The following TMEM209 variants were observed in gnomAD, a reference collection of about 807,000 sequenced individuals.
TMEM209 encodes the protein transmembrane protein 209, also known as testicular tissue protein Li 202.
Under a neutral mutation model 76.2 loss-of-function variants are expected in TMEM209, and 65 were observed. That is an observed-to-expected ratio of 0.85 (90% CI 0.70 to 1.05). The LOEUF (loss-of-function observed/expected upper bound fraction) is 1.05, where lower values mean the gene tolerates loss of function less well. TMEM209 is among the 50% of genes least tolerant of loss of function. The probability of loss-of-function intolerance (pLI) is 0.00; values close to 1 mark genes in which losing one functional copy is unlikely to be tolerated. For missense variants in TMEM209, 623 were observed against 685.5 expected, an observed-to-expected ratio of 0.91 and a Z score of 1.02; for synonymous variants, 239 against 237.6, an observed-to-expected ratio of 1.01 and a Z score of -0.06.
chr7:130,198,423 C>T (rs767056721), intron 5 of TMEM209, among the ~76,000 whole-genome samples: 9 of 152,008 alleles, frequency 5.9e-5, no homozygotes, highest in African/African-American at 9.7e-5. Flanking sequence ...CCAGCCTGGC[C>T]AACATGGTGA....
intron 6 of TMEM209, among the ~76,000 whole-genome samples, chr7:130,190,099 C>T (rs901996091): frequency 6.6e-6 from 1 of 152,106 alleles, no homozygotes; most frequent in Non-Finnish European, 1.5e-5. Context: ...ACAATCAAAT[C>T]GTCAACATAA....
chr7:130,192,711 G>C lies in TMEM209; in HGVS notation c.686C>G (p.Pro229Arg). The C allele has an allele frequency of 6.2e-7, 1 of 1,613,842 alleles. No individual in the cohort carries two copies. Among genetic ancestry groups the C allele is most frequent in the Non-Finnish European group, 8.5e-7 (1 of 1,179,766 alleles). ...GGTCATGTAGTCTTCTTTGTCAGTA[G>C]GTGAGTTGTAGACGGTAGGTGAAGA... ...YRSSPTVYNS[P>R]TDKEDYMTDL... is the part of the protein sequence containing the mutation. Residue 229 changes from proline (P) to arginine (R), a missense_variant, in exon 6 of 15, where the codon CCT (proline) becomes CGT (arginine). Coordinates refer to ENST00000397622, the MANE Select transcript of TMEM209 (RefSeq NM_032842.4).
At position 130,202,626 on chromosome 7, in the gene TMEM209, T is replaced by G; in HGVS notation, c.237A>C (p.Leu79Phe). The G allele has an allele frequency of 2.5e-6, 4 of 1,613,630 alleles. No individual in the cohort carries two copies. The highest frequency in any genetic ancestry group is 3.4e-6 in the Non-Finnish European group (4 of 1,179,756). The part of the protein sequence containing the change: ...ALASLFSLNA[L>F]FDFWRYFKYT... ...ATTTGAAATATCTCCAAAAATCAAATAAGGCATTAAGGCTGAAGAGAGATG... is the reference window on the plus strand; with the variant it reads ...ATTTGAAATATCTCCAAAAATCAAAGAAGGCATTAAGGCTGAAGAGAGATG... Residue 79 changes from leucine (L) to phenylalanine (F), a missense_variant, in exon 4 of 15, where the codon TTA (leucine) becomes TTC (phenylalanine). Coordinates refer to ENST00000397622, the MANE Select transcript of TMEM209 (RefSeq NM_032842.4).
At position 130,202,057 on chromosome 7, in the gene TMEM209, T is replaced by C; in HGVS notation, c.366A>G (p.Ala122=). The C allele has an allele frequency of 1.9e-6, 3 of 1,613,856 alleles. No homozygotes were observed. Among genetic ancestry groups the C allele is most frequent in the Non-Finnish European group, 2.5e-6 (3 of 1,179,856 alleles). Residue 122 remains alanine (A), a synonymous_variant, in exon 5 of 15, where the codon GCA becomes GCG. Coordinates refer to ENST00000397622, the MANE Select transcript of TMEM209 (RefSeq NM_032842.4). Reference sequence around the variant, plus strand: ...AAGGTGGAGCGGGAGGGATTTGGGTTGCTGCCAGATCATGTGGAGGCGTAG... The same window carrying C: ...AAGGTGGAGCGGGAGGGATTTGGGTCGCTGCCAGATCATGTGGAGGCGTAG... The part of the protein sequence containing the change: ...VQTTPPHDLA[A]TQIPPAPPSP...
chr7:130,167,277 T>C (rs918181775), intron 14 of TMEM209, among the ~76,000 whole-genome samples: 7 of 152,140 alleles, frequency 4.6e-5, no homozygotes, highest in Non-Finnish European at 1.0e-4. Context: ...ATTATAAGAA[T>C]GTATTAACTT....
At chr7:130,202,204 T>G in intron 4 of TMEM209, 113 bp from the exon 5 acceptor site, 1 of 1,334,390 alleles carries the variant, frequency 7.5e-7, no homozygotes. Flanking sequence ...ACAGAGTTAC[T>G]TGGTTGTTAA....
In TMEM209 at chr7:130,181,696, C is replaced by A; in HGVS notation, c.1047G>T (p.Val349=). The A allele has an allele frequency of 6.2e-7, 1 of 1,610,272 alleles. No individual in the cohort carries two copies. Among genetic ancestry groups the A allele is most frequent in the Non-Finnish European group, 8.5e-7 (1 of 1,178,238 alleles). ...CAGACTCAATCTCTTGAACAAGTGG[C>A]ACTAATATTGTCTCATTGATCCACT... ...FRNWINETIL[V]PLVQEIESVS... is the part of the protein sequence containing the mutation. Residue 349 remains valine, a synonymous_variant, in exon 9 of 15, where the codon GTG becomes GTT. Coordinates refer to ENST00000397622, the MANE Select transcript of TMEM209 (RefSeq NM_032842.4).
At chr7:130,179,126 T>C (rs899075815) in intron 9 of TMEM209, among the ~76,000 whole-genome samples, 3 of 152,106 alleles carry the variant, frequency 2.0e-5, no homozygotes, top group Admixed American at 1.3e-4. Context: ...TCTCATTTAC[T>C]AGAATGAAAG....
intron 5 of TMEM209, 109 bp downstream of exon 5, chr7:130,201,741 C>A: frequency 2.2e-6 from 3 of 1,383,862 alleles, no homozygotes; most frequent in South Asian, 1.4e-5. Flanking sequence ...GTGTTCTGGG[C>A]AAATCAACTC....
chr7:130,200,266 C>T lies in TMEM209; in HGVS notation c.573+1584G>A, dbSNP rs901827496. ...ACGAGAACTTCCTGATTTAGCTATG[C>T]GGCTTTGAAATAAATGTATGTTAAA... On this transcript the variant is annotated intron_variant, in intron 5 of 14. Coordinates refer to ENST00000397622, the MANE Select transcript of TMEM209 (RefSeq NM_032842.4). Among the ~76,000 whole-genome samples the T allele has an allele frequency of 8.6e-5, 13 of 151,988 alleles. No homozygotes were observed. In the East Asian group the frequency reaches 9.6e-4, roughly 11 times the overall value.
At position 130,170,280 on chromosome 7, in the gene TMEM209, G is replaced by A; in HGVS notation, c.1631+120C>T. On this transcript the variant is annotated intron_variant, in intron 14 of 14. Transcript: ENST00000397622. ...AGAGGTAGTCTGTGACAGGGCTGAA[G>A]CCATTATCTATTGTTCAATCCATAA... 3 of 798,508 alleles carry A rather than the reference G, an allele frequency of 3.8e-6. No individual in the cohort carries two copies. In the South Asian group the frequency reaches 5.4e-5, roughly 14 times the overall value. The allele number at this position is 798,508 out of a possible 1,614,324, so 49.5% of individuals were successfully genotyped here. A position where few individuals can be genotyped will look rare whatever the true frequency, so the allele number is the denominator to read the frequency against.
intron 6 of TMEM209, among the ~76,000 whole-genome samples, chr7:130,188,210 A>G (rs1002192230): frequency 6.6e-6 from 1 of 152,228 alleles, no homozygotes; most frequent in Non-Finnish European, 1.5e-5. Context: ...GTCCACAGTG[A>G]CTAAACCAAA....
At chr7:130,173,524 T>A in intron 13 of TMEM209, 108 bp downstream of exon 13, 2 of 777,342 alleles carry the variant, frequency 2.6e-6, no homozygotes, top group Non-Finnish European at 4.1e-6. Context: ...ACATTTCCAA[T>A]TTAAAAAATT....
intron 9 of TMEM209, among the ~76,000 whole-genome samples, 172 bp from the exon 10 acceptor site, chr7:130,178,699 C>A (rs992485752): frequency 1.3e-5 from 2 of 152,162 alleles, no homozygotes; most frequent in Admixed American, 6.5e-5. Context: ...CCCCTCCTCT[C>A]TAAACATTAA....
At chr7:130,178,586 T>C in intron 9 of TMEM209, 59 bp from the exon 10 acceptor site, 1 of 1,593,640 alleles carries the variant, frequency 6.3e-7, no homozygotes, top group Non-Finnish European at 8.6e-7. Context: ...CCAAAAGAAC[T>C]TAAAATGCTC....
chr7:130,202,020 G>C lies in TMEM209; in HGVS notation c.403C>G (p.Gln135Glu). 6.2e-7 allele frequency: 1 copy of C among 1,613,838 alleles called. No homozygotes were observed. Among genetic ancestry groups the C allele is most frequent in the East Asian group, 2.2e-5 (1 of 44,872 alleles). ...CTATAACTCAACACACTCTGACCCT[G>C]AATTGAAGGGGAAGGTGGAGCGGGA... ...IPPAPPSPSI[Q>E]GQSVLSYSPS... The change falls in exon 5 of 15, where the codon CAG (glutamine) becomes GAG (glutamate). Residue 135 changes from glutamine (Q) to glutamate (E), a missense_variant. Gln to Glu is a conservative substitution (Grantham distance 29). Coordinates refer to ENST00000397622, the MANE Select transcript of TMEM209 (RefSeq NM_032842.4).
At chr7:130,167,849 A>G (rs1796929504) in intron 14 of TMEM209, among the ~76,000 whole-genome samples, 2 of 152,210 alleles carry the variant, frequency 1.3e-5, no homozygotes, top group South Asian at 4.1e-4. Flanking sequence ...TTTAAGTTAT[A>G]GGAAAGTTTT....
intron 8 of TMEM209, among the ~76,000 whole-genome samples, 156 bp downstream of exon 8, chr7:130,184,028 T>C (rs1423547929): frequency 6.6e-6 from 1 of 152,170 alleles, no homozygotes; most frequent in African/African-American, 2.4e-5. Flanking sequence ...AAATACCATA[T>C]AGTAACAGTC....
intron 8 of TMEM209, among the ~76,000 whole-genome samples, chr7:130,182,926 T>C (rs1389809912): frequency 6.6e-6 from 1 of 152,218 alleles, no homozygotes. Flanking sequence ...CATATGTTTT[T>C]CTGCAGAAGT....
Sources: gnomAD v4.1 joint callset for allele counts (sites outside exome capture counted in the v4.1 genomes callset) on GRCh38, gnomAD v4.1.1 for gene constraint, MANE v1.5 for transcripts, NCBI Gene and HGNC (gene_info 2026-07-23, HGNC 2026-07-21) for gene names.